Variants in CTNNA2 observed in about 807,000 individuals in gnomAD.
The protein encoded by CTNNA2 is catenin alpha 2.
In CTNNA2, 42 loss-of-function variants were observed where a neutral mutation model predicts 101.0. That is an observed-to-expected ratio of 0.42 (90% CI 0.32 to 0.54). The LOEUF (loss-of-function observed/expected upper bound fraction) is 0.54, where lower values mean the gene tolerates loss of function less well. CTNNA2 is among the 20% of genes least tolerant of loss of function. The pLI, the probability that CTNNA2 is intolerant of heterozygous loss-of-function variation, is 0.14. For synonymous variants in CTNNA2, 450 were observed against 456.4 expected, an observed-to-expected ratio of 0.99 and a Z score of 0.18; for missense variants, 871 against 1,223.1, an observed-to-expected ratio of 0.71 and a Z score of 4.29.
chr2:80,433,418 T>C (rs1681726909), intron 9 of CTNNA2, among the ~76,000 whole-genome samples: 1 of 151,850 alleles, frequency 6.6e-6, no homozygotes. Context: ...ACACAAATAA[T>C]GGGGCAATAA....
At chr2:80,613,489 T>C (rs1299619868) in intron 17 of CTNNA2, among the ~76,000 whole-genome samples, 3 of 151,386 alleles carry the variant, frequency 2.0e-5, no homozygotes, top group Non-Finnish European at 4.4e-5. Context: ...TCTTTTGCAC[T>C]GCACCTGTGT....
intron 7 of CTNNA2, among the ~76,000 whole-genome samples, chr2:80,006,275 T>C (rs993592020): frequency 3.3e-4 from 50 of 151,452 alleles, no homozygotes; most frequent in African/African-American, 1.2e-3. Flanking sequence ...GTGTATTAAG[T>C]CTATCAGTCA....
chr2:79,848,021 A>G (rs1680378033), intron 3 of CTNNA2, among the ~76,000 whole-genome samples: 1 of 152,176 alleles, frequency 6.6e-6, no homozygotes, highest in Admixed American at 6.5e-5. Flanking sequence ...GTTGTAGGAG[A>G]ATACAGGTAC....
At chr2:79,433,860 A>C (rs1678682246) in intron 4 of CTNNA2, among the ~76,000 whole-genome samples, 1 of 152,214 alleles carries the variant, frequency 6.6e-6, no homozygotes, top group South Asian at 2.1e-4. Context: ...AGAATTTCGC[A>C]CAAGACTTGG....
At chr2:79,289,103 C>G (rs919877010) in intron 2 of CTNNA2, among the ~76,000 whole-genome samples, 4 of 152,134 alleles carry the variant, frequency 2.6e-5, no homozygotes, top group Admixed American at 1.3e-4. Flanking sequence ...ATCTACAAGT[C>G]TGAGAGAATC....
intron 1 of CTNNA2, among the ~76,000 whole-genome samples, chr2:79,535,081 T>G (rs922778249): frequency 2.0e-5 from 3 of 152,276 alleles, no homozygotes; most frequent in Non-Finnish European, 4.4e-5. Flanking sequence ...AATAAAGAGA[T>G]AAACTATTCA....
At chr2:79,664,920 C>T (rs1415780541) in intron 2 of CTNNA2, among the ~76,000 whole-genome samples, 1 of 151,928 alleles carries the variant, frequency 6.6e-6, no homozygotes, top group Non-Finnish European at 1.5e-5. Context: ...ACCATGTTAG[C>T]CAAGATGGTC....
rs576401241 is a variant in CTNNA2 at position 80,018,642 on chromosome 2, G to A, written c.1056+108845G>A. Among the ~76,000 whole-genome samples, 8 of 152,152 alleles carry A rather than the reference G, an allele frequency of 5.3e-5. No homozygotes were observed. The South Asian group carries it at 8.3e-4, about 16-fold the overall frequency. ...AGAAAATACAAAAAATTAGCCGGGCGTGGTGGCACGTGCCTGTAGTCCCAG... is the reference window on the plus strand; with the variant it reads ...AGAAAATACAAAAAATTAGCCGGGCATGGTGGCACGTGCCTGTAGTCCCAG... On this transcript the variant is annotated intron_variant, in intron 7 of 18. Transcript: ENST00000402739.
chr2:79,925,978 T>A (rs1453050067), intron 7 of CTNNA2, among the ~76,000 whole-genome samples: 1 of 152,160 alleles, frequency 6.6e-6, no homozygotes, highest in African/African-American at 2.4e-5. Flanking sequence ...CTCATGGATC[T>A]GAAGATTACG....
At chr2:79,752,988 G>A (rs907505154) in intron 3 of CTNNA2, among the ~76,000 whole-genome samples, 1 of 152,172 alleles carries the variant, frequency 6.6e-6, no homozygotes, top group East Asian at 1.9e-4. Flanking sequence ...GAAAAAGTAA[G>A]AGCAAAAGCA....
At chr2:79,585,610 T>C (rs1034284510) in intron 1 of CTNNA2, among the ~76,000 whole-genome samples, 12 of 152,226 alleles carry the variant, frequency 7.9e-5, no homozygotes, top group African/African-American at 2.9e-4. Context: ...CATTAGAAAG[T>C]TTATCAGTGA....
At chr2:79,196,820 A>G (rs1673967298) in intron 1 of CTNNA2, among the ~76,000 whole-genome samples, 1 of 152,200 alleles carries the variant, frequency 6.6e-6, no homozygotes, top group South Asian at 2.1e-4. Flanking sequence ...GAGGTTGCTT[A>G]GGGTCAAAAA....
At chr2:79,186,912 C>T (rs1673784926) in intron 1 of CTNNA2, among the ~76,000 whole-genome samples, 1 of 152,170 alleles carries the variant, frequency 6.6e-6, no homozygotes, top group Non-Finnish European at 1.5e-5. Context: ...GAACAAAGTT[C>T]TAGGCTGAAA....
At chr2:79,364,113 A>G (rs773390661) in intron 3 of CTNNA2, among the ~76,000 whole-genome samples, 22 of 152,150 alleles carry the variant, frequency 1.4e-4, no homozygotes, top group Non-Finnish European at 5.9e-5. Context: ...TGGAGGAAAA[A>G]AATTGCCAGC....
chr2:79,616,612 C>T lies in CTNNA2; in HGVS notation c.-5-34940C>T, dbSNP rs934275638. On this transcript the variant is annotated intron_variant, in intron 1 of 18. Coordinates refer to ENST00000402739, the MANE Select transcript of CTNNA2 (RefSeq NM_001282597.3). The stretch of plus-strand genomic sequence containing the variant: ...CTTTCATCCATCCACCCATCACCTT[C>T]TAATTCACCTACTCATGCCTGCCTT... 1.2e-4 allele frequency among the ~76,000 whole-genome samples: 18 copies of T among 152,324 alleles called. No homozygotes were observed. The South Asian group carries it at 3.7e-3, about 32-fold the overall frequency.
At chr2:80,141,621 C>A (rs372751870) in intron 7 of CTNNA2, among the ~76,000 whole-genome samples, 1 of 152,066 alleles carries the variant, frequency 6.6e-6, no homozygotes, top group Non-Finnish European at 1.5e-5. Context: ...AGGGCAATTT[C>A]TGTAGGCTGA....
At chr2:79,314,000 C>T (rs951360117) in intron 3 of CTNNA2, among the ~76,000 whole-genome samples, 6 of 152,000 alleles carry the variant, frequency 3.9e-5, no homozygotes, top group African/African-American at 7.2e-5. Flanking sequence ...CAAGGCCTTC[C>T]TAGGTGTGCT....
At chr2:80,170,853 A>G (rs1705008487) in intron 7 of CTNNA2, among the ~76,000 whole-genome samples, 1 of 151,944 alleles carries the variant, frequency 6.6e-6, no homozygotes. Context: ...TTTTATATTT[A>G]ACTGCTCTAT....
intron 18 of CTNNA2, among the ~76,000 whole-genome samples, chr2:80,632,983 G>A (rs995333110): frequency 6.6e-6 from 1 of 152,178 alleles, no homozygotes; most frequent in Non-Finnish European, 1.5e-5. Context: ...GGACAGCCAA[G>A]ACTTAGAGCC....
Sources: gnomAD v4.1 joint callset for allele counts (sites outside exome capture counted in the v4.1 genomes callset) on GRCh38, gnomAD v4.1.1 for gene constraint, MANE v1.5 for transcripts, NCBI Gene and HGNC (gene_info 2026-07-23, HGNC 2026-07-21) for gene names.